VCAN: variants seen among roughly 807,000 people sequenced by gnomAD.
VCAN encodes versican.
VCAN carries 44 observed loss-of-function variants against 245.5 expected under a neutral mutation model. That is an observed-to-expected ratio of 0.18 (90% CI 0.14 to 0.23). The LOEUF is 0.23. Among genes scored for constraint, VCAN ranks in the 10% least tolerant of loss-of-function variants. VCAN has a pLI of 1.00. For missense variants in VCAN, 3,793 were observed against 4,057.9 expected (o/e 0.93, Z 1.77); for synonymous variants, 1,413 against 1,437.0 (o/e 0.98, Z 0.38).
intron 7 of VCAN, among the ~76,000 whole-genome samples, chr5:83,530,433 T>C (rs1409982779): frequency 6.6e-6 from 1 of 152,128 alleles, no homozygotes; most frequent in Non-Finnish European, 1.5e-5. Flanking sequence ...ATAAAAAATG[T>C]ACTCACAGGT....
intron 12 of VCAN, among the ~76,000 whole-genome samples, chr5:83,570,810 G>C (rs1013549940): frequency 7.4e-6 from 1 of 135,602 alleles, no homozygotes; most frequent in African/African-American, 2.8e-5. Context: ...AGGTAGTAGA[G>C]TAATTGGACC....
At position 83,543,766 on chromosome 5, in the gene VCAN, A is replaced by T. The variant is rs372674961; in HGVS notation, c.9265+1498A>T. 2.6e-5 allele frequency among the ~76,000 whole-genome samples: 4 copies of T among 152,218 alleles called. No homozygotes were observed. The East Asian group carries it at 5.8e-4, about 22-fold the overall frequency. On this transcript the variant is annotated intron_variant, in intron 8 of 14. Coordinates refer to ENST00000265077, the MANE Select transcript of VCAN (RefSeq NM_004385.5). ...AATATGTACCAATTTTCCAGTTTAC[A>T]ATATTTACCAAGATTTATAGTTTGC...
At chr5:83,570,012 G>A (rs760796160) in intron 12 of VCAN, among the ~76,000 whole-genome samples, 2 of 151,782 alleles carry the variant, frequency 1.3e-5, no homozygotes, top group Non-Finnish European at 2.9e-5. Context: ...TGGAGGGTGA[G>A]GGATGATAAG....
rs780657738 is a variant in VCAN, at chr5:83,537,501, G to A, written c.4498G>A (p.Val1500Ile). ...ACATTTTTCAGGTGGTGAGCCTGAT[G>A]TTTTCCCCACAGTCCCATTCCATGA... Reference protein sequence around the residue: ...SEHFSGGEPDVFPTVPFHEEF... With the variant: ...SEHFSGGEPDIFPTVPFHEEF... The change falls in exon 8 of 15, where the codon GTT (valine) becomes ATT (isoleucine). Residue 1500 changes from valine (V) to isoleucine (I), a missense_variant. This residue lies in a region of VCAN where 3,182 missense variants were observed against 3,250.3 expected (regional missense o/e 0.98). Coordinates refer to ENST00000265077, the MANE Select transcript of VCAN (RefSeq NM_004385.5). The A allele has an allele frequency of 5.0e-6, 8 of 1,613,920 alleles. No individual in the cohort carries two copies. The South Asian group carries it at 7.7e-5, about 16-fold the overall frequency.
At chr5:83,515,123 A>C (rs1745801711) in intron 6 of VCAN, among the ~76,000 whole-genome samples, 1 of 152,260 alleles carries the variant, frequency 6.6e-6, no homozygotes, top group South Asian at 2.1e-4. Flanking sequence ...ATTCTTTTCA[A>C]ATAAATTTGA....
intron 7 of VCAN, among the ~76,000 whole-genome samples, chr5:83,526,562 T>C (rs1746310107): frequency 6.6e-6 from 1 of 152,198 alleles, no homozygotes; most frequent in Non-Finnish European, 1.5e-5. Flanking sequence ...AAAAGAATGA[T>C]ATCTAGACCA....
At chr5:83,525,571 C>T (rs531342471) in intron 7 of VCAN, among the ~76,000 whole-genome samples, 84 of 152,172 alleles carry the variant, frequency 5.5e-4, no homozygotes, top group African/African-American at 1.9e-3. Flanking sequence ...TAGTTATAAC[C>T]TTAAAATAGG....
At position 83,549,152 on chromosome 5, in the gene VCAN, T is replaced by C. The variant is rs182164133; in HGVS notation, c.9493+1068T>C. On this transcript the variant is annotated intron_variant, in intron 10 of 14. Transcript: ENST00000265077. ...GCCTGAGACAGTTGAGACATTCCAA[T>C]ATGTTAAACATGATTCTGGCTTCTG... Among the ~76,000 whole-genome samples, 56 of 152,326 alleles carry C rather than the reference T, an allele frequency of 3.7e-4. No homozygotes were observed. In the East Asian group the frequency reaches 0.01, roughly 27 times the overall value.
chr5:83,523,035 C>A (rs1393322838), intron 7 of VCAN, among the ~76,000 whole-genome samples: 1 of 152,084 alleles, frequency 6.6e-6, no homozygotes, highest in African/African-American at 2.4e-5. Flanking sequence ...TAGTGTTGTT[C>A]ATTTTATGAT....
At chr5:83,532,307 G>T (rs1006395282) in intron 7 of VCAN, among the ~76,000 whole-genome samples, 4 of 152,006 alleles carry the variant, frequency 2.6e-5, no homozygotes, top group African/African-American at 9.7e-5. Flanking sequence ...AAACTAAGAG[G>T]GGGCAAGTAG....
Position 83,540,423 on chromosome 5 carries a change from G to A in VCAN, c.7420G>A (p.Ala2474Thr), listed in dbSNP as rs756069926. 87 of 1,613,996 alleles carry A rather than the reference G, an allele frequency of 5.4e-5. No individual in the cohort carries two copies. Among genetic ancestry groups the A allele is most frequent in the East Asian group, 3.3e-4 (15 of 44,856 alleles). ...SLEKHPEVPS[A>T]KAVTADGFPT... ...GGAAAAACATCCTGAGGTGCCAAGC[G>A]CTAAAGCTGTTACTGCTGATGGATT... Residue 2474 changes from alanine to threonine, a missense_variant, in exon 8 of 15, where the codon GCT becomes ACT. By Grantham distance (58) the Ala-to-Thr change is moderately conservative. Around this residue, in one of 5 missense-constraint regions of VCAN, gnomAD observed 3,182 missense variants for 3,250.3 expected, o/e 0.98. Transcript: ENST00000265077.
intron 12 of VCAN, among the ~76,000 whole-genome samples, chr5:83,570,466 T>G (rs1290702678): frequency 6.6e-6 from 1 of 152,182 alleles, no homozygotes; most frequent in Non-Finnish European, 1.5e-5. Context: ...ACAAATTATT[T>G]TATGAAAGAT....
chr5:83,505,090 C>T (rs1237330062), intron 5 of VCAN, among the ~76,000 whole-genome samples: 1 of 152,132 alleles, frequency 6.6e-6, no homozygotes, highest in African/African-American at 2.4e-5. Context: ...CTGCGAGATA[C>T]AGTTCAAGTT....
intron 12 of VCAN, among the ~76,000 whole-genome samples, chr5:83,571,502 A>G (rs1748288255): frequency 6.6e-6 from 1 of 152,160 alleles, no homozygotes; most frequent in Non-Finnish European, 1.5e-5. Context: ...AATGACACAT[A>G]TGATGGAAGG....
intron 1 of VCAN, among the ~76,000 whole-genome samples, chr5:83,472,717 G>T (rs1287822897): frequency 6.6e-6 from 1 of 152,156 alleles, no homozygotes; most frequent in East Asian, 1.9e-4. Flanking sequence ...CTCTCCCGGC[G>T]CCCCTGGGTT....
intron 7 of VCAN, among the ~76,000 whole-genome samples, chr5:83,526,433 CAA>C (rs1444780768): frequency 1.3e-5 from 2 of 152,106 alleles, no homozygotes; most frequent in African/African-American, 4.8e-5. Flanking sequence ...CTTGAACAGA[CAA>C]AAGAGTAGCT....
chr5:83,550,695 T>A (rs1463136197), intron 10 of VCAN, among the ~76,000 whole-genome samples: 1 of 152,044 alleles, frequency 6.6e-6, no homozygotes, highest in Non-Finnish European at 1.5e-5. Context: ...GAGACCAGCC[T>A]GGCCAACATG....
At position 83,504,384 on chromosome 5, in the gene VCAN, A is replaced by ATT. The variant is rs557999767; in HGVS notation, c.749-7702_749-7701dup. On this transcript the variant is annotated intron_variant, in intron 5 of 14. Coordinates refer to ENST00000265077, the MANE Select transcript of VCAN (RefSeq NM_004385.5). ...AATGTATATGTATATACCTTGATGA[A>ATT]TTTTTTTTTTTTTTTTTTGAGACGG... Among the ~76,000 whole-genome samples, 42 of 140,948 alleles carry ATT rather than the reference A, an allele frequency of 3.0e-4. 1 individual carries two copies. The highest frequency in any genetic ancestry group is 1.2e-3 in the East Asian group (6 of 4,816). The allele number at this position is 140,948 out of a possible 152,430, so 92.5% of individuals were successfully genotyped here. A position where few individuals can be genotyped will look rare whatever the true frequency, so the allele number is the denominator to read the frequency against.
In VCAN at chr5:83,490,164, T is replaced by C. The variant is rs1744931574; in HGVS notation, c.137T>C (p.Phe46Ser). ...GGAAAAGTCAGCCTACCTTGTCATTTTTCAACGATGCCTACTTTGCCACCC... is the reference window on the plus strand; with the variant it reads ...GGAAAAGTCAGCCTACCTTGTCATTCTTCAACGATGCCTACTTTGCCACCC... ...LSGKVSLPCH[F>S]STMPTLPPSY... is the part of the protein sequence containing the mutation. The change falls in exon 3 of 15, where the codon TTT becomes TCT. Residue 46 changes from phenylalanine (F) to serine (S), a missense_variant. Physicochemically the swap from Phe to Ser is radical, Grantham distance 155 (BLOSUM62 -2). Around this residue, in one of 5 missense-constraint regions of VCAN, gnomAD observed 179 missense variants for 169.7 expected, o/e 1.05. Transcript: ENST00000265077. 1 of 1,614,078 alleles carries C rather than the reference T, an allele frequency of 6.2e-7. No homozygotes were observed. Among genetic ancestry groups the C allele is most frequent in the African/African-American group, 1.3e-5 (1 of 74,930 alleles).
Sources: gnomAD v4.1 joint callset for allele counts (sites outside exome capture counted in the v4.1 genomes callset) on GRCh38, gnomAD v4.1.1 for gene constraint, gnomAD v4.1.1 regional missense constraint, MANE v1.5 for transcripts, NCBI Gene and HGNC (gene_info 2026-07-23, HGNC 2026-07-21) for gene names.